BMPR1B: variants seen among roughly 807,000 people sequenced by gnomAD.
BMPR1B encodes bone morphogenetic protein receptor type 1B.
Under a neutral mutation model 59.1 loss-of-function variants are expected in BMPR1B, and 12 were observed. The observed-to-expected ratio is 0.20, with a 90% CI of 0.13 to 0.33. The LOEUF (loss-of-function observed/expected upper bound fraction) is 0.33. BMPR1B is among the 10% of genes least tolerant of loss of function. The pLI is 1.00. For synonymous variants in BMPR1B, 237 were observed against 207.3 expected (o/e 1.14, Z -1.23); for missense variants, 550 against 610.9 (o/e 0.90, Z 1.05).
chr4:95,005,039 G>C (rs1357114748), intron 3 of BMPR1B, among the ~76,000 whole-genome samples: 1 of 151,954 alleles, frequency 6.6e-6, no homozygotes, highest in African/African-American at 2.4e-5. Context: ...AAGTTGATTG[G>C]TACAGCTTGC....
chr4:95,077,885 G>T (rs181033154), intron 3 of BMPR1B, among the ~76,000 whole-genome samples: 2 of 152,254 alleles, frequency 1.3e-5, no homozygotes, highest in African/African-American at 4.8e-5. Flanking sequence ...ATATCATCTA[G>T]CTTTGGGAAT....
intron 3 of BMPR1B, among the ~76,000 whole-genome samples, chr4:95,029,068 T>TTTCA (rs1553928886): frequency 6.6e-6 from 1 of 150,570 alleles, no homozygotes; most frequent in African/African-American, 2.4e-5. Context: ...AACATTTTCT[T>TTTCA]TTTATTTATT....
At chr4:94,760,407 C>A (rs1280376634) in intron 1 of BMPR1B, among the ~76,000 whole-genome samples, 2 of 152,104 alleles carry the variant, frequency 1.3e-5, no homozygotes, top group African/African-American at 4.8e-5. Context: ...GTGAGATGGC[C>A]TGATAAAGTA....
intron 2 of BMPR1B, among the ~76,000 whole-genome samples, chr4:94,900,008 G>GATT (rs1727744539): frequency 1.3e-5 from 2 of 151,966 alleles, no homozygotes; most frequent in South Asian, 4.1e-4. Flanking sequence ...TAGATTTGCA[G>GATT]CAAGAGAGAG....
At chr4:95,088,889 GT>G (rs898491343) in intron 3 of BMPR1B, among the ~76,000 whole-genome samples, 1 of 152,102 alleles carries the variant, frequency 6.6e-6, no homozygotes, top group African/African-American at 2.4e-5. Flanking sequence ...TCTTTGCTGA[GT>G]TTTTACATAG....
At chr4:94,797,446 G>A (rs942382750) in intron 1 of BMPR1B, among the ~76,000 whole-genome samples, 13 of 152,218 alleles carry the variant, frequency 8.5e-5, no homozygotes, top group Admixed American at 5.2e-4. Context: ...TTGCTGAAGT[G>A]TCTATTCTGT....
At chr4:95,003,734 A>G (rs1722615922) in intron 3 of BMPR1B, among the ~76,000 whole-genome samples, 1 of 151,416 alleles carries the variant, frequency 6.6e-6, no homozygotes, top group Admixed American at 6.6e-5. Context: ...GTAAAGTAAC[A>G]TGATAACCTC....
At chr4:95,004,460 A>T (rs1042824273) in intron 3 of BMPR1B, among the ~76,000 whole-genome samples, 1 of 152,096 alleles carries the variant, frequency 6.6e-6, no homozygotes, top group Non-Finnish European at 1.5e-5. Context: ...CAGTATTTGT[A>T]TTGTCTTAAA....
chr4:94,845,458 T>C (rs893658807), intron 1 of BMPR1B, among the ~76,000 whole-genome samples: 29 of 151,970 alleles, frequency 1.9e-4, no homozygotes, highest in Middle Eastern at 3.4e-3. Context: ...TTCTCTTGCC[T>C]CAGCCTCCCA....
At chr4:94,932,191 G>A (rs1039492923) in intron 2 of BMPR1B, among the ~76,000 whole-genome samples, 1 of 152,066 alleles carries the variant, frequency 6.6e-6, no homozygotes, top group Admixed American at 6.6e-5. Flanking sequence ...TATCCCAAGT[G>A]CAAAATTCAA....
chr4:94,870,659 G>A (rs1346802354), intron 1 of BMPR1B, among the ~76,000 whole-genome samples: 2 of 152,138 alleles, frequency 1.3e-5, no homozygotes, highest in Non-Finnish European at 2.9e-5. Flanking sequence ...GACTTAACCT[G>A]AAAGTTTTGG....
At chr4:95,154,496 A>C (rs2149332694) in intron 12 of BMPR1B, 52 bp from the exon 13 acceptor site, 1 of 1,612,886 alleles carries the variant, frequency 6.2e-7, no homozygotes, top group Non-Finnish European at 8.5e-7. Context: ...CTACATTGTA[A>C]CAGGTGCCAG....
chr4:94,920,662 T>C lies in BMPR1B; in HGVS notation c.-113+44762T>C, dbSNP rs200164833. On this transcript the variant is annotated intron_variant, in intron 2 of 12. Coordinates refer to ENST00000515059, the MANE Select transcript of BMPR1B (RefSeq NM_001203.3). ...AAAAAGTCCTGGTTAGCTGTAATGT[T>C]GCTGCCAAGGAGCATAAGCAGAACC... 1.8e-4 allele frequency among the ~76,000 whole-genome samples: 28 copies of C among 152,344 alleles called. No individual in the cohort carries two copies. In the East Asian group the frequency reaches 5.4e-3, roughly 29 times the overall value.
At chr4:94,804,174 A>G (rs1034915593) in intron 1 of BMPR1B, among the ~76,000 whole-genome samples, 1 of 152,164 alleles carries the variant, frequency 6.6e-6, no homozygotes, top group Non-Finnish European at 1.5e-5. Flanking sequence ...CACCACACCT[A>G]GCTAGCACAT....
chr4:94,824,318 A>G (rs1284082047), intron 1 of BMPR1B, among the ~76,000 whole-genome samples: 5 of 152,126 alleles, frequency 3.3e-5, no homozygotes, highest in African/African-American at 9.7e-5. Context: ...TGTTAATCAG[A>G]TGCTTCTTTG....
intron 1 of BMPR1B, among the ~76,000 whole-genome samples, chr4:94,774,296 C>T (rs746631366): frequency 1.3e-5 from 2 of 151,864 alleles, no homozygotes; most frequent in African/African-American, 4.8e-5. Flanking sequence ...AAATAGGAAG[C>T]CTCCACTAAA....
At chr4:94,819,218 T>C (rs1386230771) in intron 1 of BMPR1B, among the ~76,000 whole-genome samples, 1 of 152,124 alleles carries the variant, frequency 6.6e-6, no homozygotes, top group East Asian at 1.9e-4. Flanking sequence ...TTCTCAGTCC[T>C]CTCAGAGTCA....
At chr4:94,860,946 T>C (rs915013755) in intron 1 of BMPR1B, among the ~76,000 whole-genome samples, 2 of 136,558 alleles carry the variant, frequency 1.5e-5, no homozygotes, top group South Asian at 2.1e-4. Flanking sequence ...TTGAGAGTTA[T>C]AGTCTTGAGG....
At chr4:94,827,415 CTT>C (rs1724422950) in intron 1 of BMPR1B, among the ~76,000 whole-genome samples, 1 of 152,106 alleles carries the variant, frequency 6.6e-6, no homozygotes, top group East Asian at 1.9e-4. Context: ...TGTATATAAA[CTT>C]TATATATTTC....
Sources: allele counts gnomAD v4.1 joint callset (sites outside exome capture counted in the v4.1 genomes callset), GRCh38; gene constraint gnomAD v4.1.1; transcripts MANE v1.5; gene names NCBI Gene and HGNC (gene_info 2026-07-23, HGNC 2026-07-21).